LMOD1: variants seen among roughly 807,000 people sequenced by gnomAD.
LMOD1 encodes leiomodin 1.
Under a neutral mutation model 36.5 loss-of-function variants are expected in LMOD1, and 8 were observed. The ratio of observed to expected loss-of-function variants is 0.22; its 90% CI spans 0.13 to 0.40. LMOD1 has a LOEUF of 0.40. LMOD1 is among the 10% of genes least tolerant of loss of function. The probability of loss-of-function intolerance (pLI) is 1.00; values close to 1 mark genes in which losing one functional copy is unlikely to be tolerated. For missense variants in LMOD1, 630 were observed against 751.1 expected (o/e 0.84, Z 1.88); for synonymous variants, 284 against 288.7 (o/e 0.98, Z 0.17).
In LMOD1 at chr1:201,900,868, T is replaced by A. The variant is rs146330482; in HGVS notation, c.262-117A>T. 1.9e-4 allele frequency: 165 copies of A among 881,890 alleles called. 1 individual carries two copies. In the East Asian group the frequency reaches 4.2e-3, roughly 23 times the overall value. The allele number at this position is 881,890 out of a possible 1,614,324, so 54.6% of individuals were successfully genotyped here. A position where few individuals can be genotyped will look rare whatever the true frequency, so the allele number is the denominator to read the frequency against. On this transcript the variant is annotated intron_variant, in intron 1 of 2. Transcript: ENST00000367288. ...CTGCCCTTGAGCCTCTGAAGGACAG[T>A]TGTGCTGTTTGGGAGAGTGGGGTGG...
chr1:201,923,875 A>G (rs917281116), intron 1 of LMOD1, among the ~76,000 whole-genome samples: 1 of 145,000 alleles, frequency 6.9e-6, no homozygotes, highest in African/African-American at 2.5e-5. Flanking sequence ...TCAACAAGAA[A>G]GAAGAAAAAG....
chr1:201,914,261 C>T (rs908824766), intron 1 of LMOD1, among the ~76,000 whole-genome samples: 7 of 152,192 alleles, frequency 4.6e-5, no homozygotes, highest in Admixed American at 1.3e-4. Context: ...CACGTGGTGC[C>T]GTCCACTGTC....
Position 201,900,260 on chromosome 1 carries a change from C to T in LMOD1, c.753G>A (p.Glu251=). ...CAGTTCCTCTTTTTACCTTCTCATCCTCCTTTTTCATGTCTGTGTTCCCAC... is the reference window on the plus strand; with the variant it reads ...CAGTTCCTCTTTTTACCTTCTCATCTTCCTTTTTCATGTCTGTGTTCCCAC... The part of the protein sequence containing the change: ...RAGGNTDMKK[E]DEKVKRGTGN... Residue 251 remains glutamate, a synonymous_variant, in exon 2 of 3, where the codon GAG becomes GAA. Transcript: ENST00000367288. 6.2e-7 allele frequency: 1 copy of T among 1,613,568 alleles called. No individual in the cohort carries two copies. Among genetic ancestry groups the T allele is most frequent in the East Asian group, 2.2e-5 (1 of 44,884 alleles).
chr1:201,898,121 ACT>A lies in LMOD1; in HGVS notation c.*249_*250del. On this transcript the variant is annotated 3_prime_UTR_variant, in exon 3 of 3. Transcript: ENST00000367288. ...ATCTTCTCAGTGATGTGCTAAAAGG[ACT>A]CTTCTTGTCCAGAAACCTGAGCTCC... 1.8e-6 allele frequency: 1 copy of A among 562,246 alleles called. No individual in the cohort carries two copies. The highest frequency in any genetic ancestry group is 3.2e-6 in the Non-Finnish European group (1 of 312,990). 34.8% of individuals were successfully genotyped at this position (562,246 alleles called of 1,614,324 possible). A position where few individuals can be genotyped will look rare whatever the true frequency, so the allele number is the denominator to read the frequency against.
At chr1:201,898,490 G>C in intron 2 of LMOD1, 92 bp from the exon 3 acceptor site, 4 of 1,126,748 alleles carry the variant, frequency 3.6e-6, no homozygotes, top group South Asian at 1.6e-5. Flanking sequence ...ACTGCAATAT[G>C]TTATGTCTGT....
intron 1 of LMOD1, among the ~76,000 whole-genome samples, chr1:201,935,124 T>C (rs1681993293): frequency 6.6e-6 from 1 of 152,224 alleles, no homozygotes; most frequent in Admixed American, 6.5e-5. Flanking sequence ...AAAAGGCTCA[T>C]TCTTCCAGCT....
chr1:201,929,099 T>TA (rs1681877394), intron 1 of LMOD1, among the ~76,000 whole-genome samples: 1 of 150,680 alleles, frequency 6.6e-6, no homozygotes, highest in East Asian at 2.0e-4. Flanking sequence ...TTTGTTTATT[T>TA]ATTTATTTAT....
intron 1 of LMOD1, among the ~76,000 whole-genome samples, chr1:201,939,525 C>T (rs765746235): frequency 2.6e-4 from 39 of 152,254 alleles, no homozygotes; most frequent in African/African-American, 5.3e-4. Flanking sequence ...TCTGTCTCAC[C>T]GCACTGCCCA....
At chr1:201,928,593 T>C (rs1012245946) in intron 1 of LMOD1, among the ~76,000 whole-genome samples, 9 of 152,246 alleles carry the variant, frequency 5.9e-5, no homozygotes, top group Admixed American at 2.6e-4. Flanking sequence ...CTAGGAGAGC[T>C]GTATTACTTT....
At chr1:201,933,626 G>GATATATATATATATATAT (rs1681969153) in intron 1 of LMOD1, among the ~76,000 whole-genome samples, 1 of 92,860 alleles carries the variant, frequency 1.1e-5, no homozygotes, top group African/African-American at 4.3e-5. Context: ...TATATATATG[G>GATATATATATATATATAT]CAAGACTAAC....
intron 1 of LMOD1, among the ~76,000 whole-genome samples, chr1:201,941,897 G>T (rs550213275): frequency 3.3e-5 from 5 of 152,348 alleles, no homozygotes; most frequent in African/African-American, 1.2e-4. Context: ...GAGAAGGGAG[G>T]GGGAGGCAGG....
intron 1 of LMOD1, among the ~76,000 whole-genome samples, chr1:201,942,221 G>T (rs1363970469): frequency 6.6e-6 from 1 of 152,240 alleles, no homozygotes; most frequent in Non-Finnish European, 1.5e-5. Flanking sequence ...CCTGCTGTGT[G>T]CTGGGCCCTG....
chr1:201,924,379 GGGA>G (rs1681764688), intron 1 of LMOD1, among the ~76,000 whole-genome samples: 1 of 94,432 alleles, frequency 1.1e-5, no homozygotes. Flanking sequence ...GAGGGAGGGA[GGGA>G]AGGAAGGAAG....
At chr1:201,939,549 C>T (rs1682078465) in intron 1 of LMOD1, among the ~76,000 whole-genome samples, 2 of 152,156 alleles carry the variant, frequency 1.3e-5, no homozygotes, top group African/African-American at 2.4e-5. Context: ...ACTAACAAGC[C>T]ATTGGGAGAA....
Position 201,938,799 on chromosome 1 carries a change from C to T in LMOD1, c.261+7281G>A, listed in dbSNP as rs145127478. Among the ~76,000 whole-genome samples the T allele has an allele frequency of 3.2e-4, 48 of 152,298 alleles. No homozygotes were observed. The East Asian group carries it at 8.5e-3, about 27-fold the overall frequency. On this transcript the variant is annotated intron_variant, in intron 1 of 2. Transcript: ENST00000367288. Reference sequence around the variant, plus strand: ...TCCTAGCTGTTTGTAAACAGCATCCCGACAACCCGGCTTGTTCTTTCTGCA... The same window carrying T: ...TCCTAGCTGTTTGTAAACAGCATCCTGACAACCCGGCTTGTTCTTTCTGCA...
intron 1 of LMOD1, among the ~76,000 whole-genome samples, chr1:201,939,766 G>A (rs112576146): frequency 6.7e-6 from 1 of 149,880 alleles, no homozygotes; most frequent in African/African-American, 2.5e-5. Context: ...CCTGCTGTGT[G>A]TGTGTGTGTG....
Position 201,897,417 on chromosome 1 carries a change from A to C in LMOD1, c.*955T>G, listed in dbSNP as rs1029437912. ...GCAGGACTGGTTCAGGAGCAGACCT[A>C]GTAGAGGCCTGGCCTTCTAGACCTG... On this transcript the variant is annotated 3_prime_UTR_variant, in exon 3 of 3. Coordinates refer to ENST00000367288, the MANE Select transcript of LMOD1 (RefSeq NM_012134.3). 2.6e-5 allele frequency: 4 copies of C among 154,074 alleles called. No homozygotes were observed. The highest frequency in any genetic ancestry group is 5.8e-5 in the Non-Finnish European group (4 of 69,086). The allele number at this position is 154,074 out of a possible 1,614,324, so 9.5% of individuals were successfully genotyped here.
chr1:201,925,910 C>T (rs1681820161), intron 1 of LMOD1, among the ~76,000 whole-genome samples: 2 of 151,900 alleles, frequency 1.3e-5, no homozygotes, highest in South Asian at 4.2e-4. Flanking sequence ...GGCGGGGTCT[C>T]CCTGTGTTGC....
rs776235239 is a variant in LMOD1, at chr1:201,899,510, G to A, written c.1503C>T (p.Ala501=). 4.9e-5 allele frequency: 79 copies of A among 1,613,836 alleles called. No homozygotes were observed. The highest frequency in any genetic ancestry group is 1.2e-4 in the African/African-American group (9 of 74,922). ...TTGGGGAGCCCTTAGCCACGGCCCCGGCCTTGGGTACCTCCAGCAGATCCT... is the reference window on the plus strand; with the variant it reads ...TTGGGGAGCCCTTAGCCACGGCCCCAGCCTTGGGTACCTCCAGCAGATCCT... ...EKKDLLEVPK[A]GAVAKGSPKP... The change falls in exon 2 of 3, where the codon GCC becomes GCT. Residue 501 remains alanine (A), a synonymous_variant. Coordinates refer to ENST00000367288, the MANE Select transcript of LMOD1 (RefSeq NM_012134.3). This position sits in a 1 kb window ranked among gnomAD's most constrained non-coding sequence, Gnocchi z 6.3.
Sources: allele counts gnomAD v4.1 joint callset (sites outside exome capture counted in the v4.1 genomes callset), GRCh38; gene constraint gnomAD v4.1.1; non-coding constraint Gnocchi (gnomAD v3.1); transcripts MANE v1.5; gene names NCBI Gene and HGNC (gene_info 2026-07-23, HGNC 2026-07-21).